BST1: variants seen among roughly 807,000 people sequenced by gnomAD.
The protein encoded by BST1 is bone marrow stromal cell antigen 1.
Under a neutral mutation model 40.6 loss-of-function variants are expected in BST1, and 49 were observed. That is an observed-to-expected ratio of 1.21 (90% CI 0.96 to 1.53). The LOEUF (loss-of-function observed/expected upper bound fraction) is 1.53, where lower values mean the gene tolerates loss of function less well. Among genes scored for constraint, BST1 ranks in the 40% most tolerant of loss-of-function variants. The pLI is 0.00. For synonymous variants in BST1, 157 were observed against 159.3 expected, an observed-to-expected ratio of 0.99 and a Z score of 0.11; for missense variants, 423 against 395.9, an observed-to-expected ratio of 1.07 and a Z score of -0.58.
Position 15,719,013 on chromosome 4 carries a change from A to G in BST1, c.791+20A>G, listed in dbSNP as rs1720662099. 2 of 1,606,384 alleles carry G rather than the reference A, an allele frequency of 1.2e-6. No individual in the cohort carries two copies. Among genetic ancestry groups the G allele is most frequent in the Non-Finnish European group, 1.7e-6 (2 of 1,174,404 alleles). ...TTACCGGTAGGTGGCCTATATATCA[A>G]TGTGCTCTTGTAGAGGTGGTGTATG... On this transcript the variant is annotated intron_variant, in intron 7 of 8. Transcript: ENST00000265016.
chr4:15,729,266 A>G (rs1002187615), intron 8 of BST1, among the ~76,000 whole-genome samples: 1 of 152,148 alleles, frequency 6.6e-6, no homozygotes. Context: ...AGCCTAGGCA[A>G]CATGGCGAGA....
chr4:15,715,902 G>A lies in BST1; in HGVS notation c.704+103G>A, dbSNP rs954384979. The A allele has an allele frequency of 6.0e-6, 5 of 836,350 alleles. No homozygotes were observed. In the South Asian group the frequency reaches 9.5e-5, roughly 16 times the overall value. The allele number at this position is 836,350 out of a possible 1,614,324, so 51.8% of individuals were successfully genotyped here. On this transcript the variant is annotated intron_variant, in intron 6 of 8. Transcript: ENST00000265016. The stretch of plus-strand genomic sequence containing the variant: ...CATTTTCAGTTTAGGGGAAATGACA[G>A]CCTTCTTTGCTTCTAATGGGGTTGG...
intron 4 of BST1, among the ~76,000 whole-genome samples, chr4:15,713,207 T>C (rs937300142): frequency 0.026 from 823 of 31,948 alleles, 12 homozygotes; most frequent in African/African-American, 0.08. Flanking sequence ...TATTTTCATC[T>C]TTTTTTTTTT....
At chr4:15,724,033 C>T (rs760153145) in intron 8 of BST1, among the ~76,000 whole-genome samples, 3 of 152,206 alleles carry the variant, frequency 2.0e-5, no homozygotes, top group African/African-American at 7.2e-5. Context: ...CTTATCCTGA[C>T]AATCCAACTC....
downstream of BST1, among the ~76,000 whole-genome samples, chr4:15,734,299 G>A (rs1721486108): frequency 6.6e-6 from 1 of 152,048 alleles, no homozygotes; most frequent in Admixed American, 6.6e-5. Flanking sequence ...CCAAGTGTTC[G>A]TCAACACTCA....
At chr4:15,737,711 C>T (rs1464822171), downstream of BST1, 2 of 1,068,888 alleles carry the variant, frequency 1.9e-6, no homozygotes, top group East Asian at 5.9e-5. Flanking sequence ...GTCGTAGGTA[C>T]CAGGTACCTT....
At chr4:15,738,518 AC>A (rs1343793310), downstream of BST1, among the ~76,000 whole-genome samples, 1 of 152,196 alleles carries the variant, frequency 6.6e-6, no homozygotes, top group Non-Finnish European at 1.5e-5. Context: ...GATCCTAAAA[AC>A]ATTCCTAAAT....
intron 3 of BST1, among the ~76,000 whole-genome samples, chr4:15,707,855 CTA>C (rs1553863514): frequency 5.4e-5 from 7 of 128,620 alleles, no homozygotes; most frequent in Middle Eastern, 3.6e-3. Context: ...CTCTCTCTCT[CTA>C]TATATATATA....
the BST1 span, among the ~76,000 whole-genome samples, chr4:15,746,337 C>T: frequency 6.6e-6 from 1 of 152,212 alleles, no homozygotes; most frequent in African/African-American, 2.4e-5. Flanking sequence ...ACACTTGTGT[C>T]TTAGTTTATT....
At chr4:15,747,231 A>G in the BST1 span, among the ~76,000 whole-genome samples, 1 of 152,182 alleles carries the variant, frequency 6.6e-6, no homozygotes. Context: ...AAGGTCAAGC[A>G]ATATCCTTAT....
intron 1 of BST1, 141 bp from the exon 2 acceptor site, chr4:15,705,374 A>C: frequency 1.0e-6 from 1 of 972,478 alleles, no homozygotes; most frequent in East Asian, 2.5e-5. Context: ...AAGCCATGAC[A>C]ATTCGTTGTC....
the BST1 span, among the ~76,000 whole-genome samples, chr4:15,748,365 A>G: frequency 6.6e-6 from 1 of 152,094 alleles, no homozygotes; most frequent in South Asian, 2.1e-4. Flanking sequence ...TTGCAATGCA[A>G]GGCTGTGCAC....
Position 15,732,262 on chromosome 4 carries a change from T to C in BST1, c.*417T>C. ...TGTATACTATATAAATGTATGCATA[T>C]ATGGTCTGCAAAGTTTTCATTTTTC... On this transcript the variant is annotated 3_prime_UTR_variant, in exon 9 of 9. Transcript: ENST00000265016. The C allele has an allele frequency of 3.0e-6, 1 of 331,476 alleles. No homozygotes were observed. Among genetic ancestry groups the C allele is most frequent in the Non-Finnish European group, 4.3e-6 (1 of 231,618 alleles). The allele number at this position is 331,476 out of a possible 1,614,324, so 20.5% of individuals were successfully genotyped here.
the BST1 span, among the ~76,000 whole-genome samples, chr4:15,752,825 CTT>C: frequency 2.6e-5 from 4 of 152,122 alleles, no homozygotes; most frequent in African/African-American, 9.6e-5. Context: ...ATTTCACTGG[CTT>C]TTTTTGGAAT....
chr4:15,718,851 C>T lies in BST1; in HGVS notation c.705-56C>T, dbSNP rs1034341306. The T allele has an allele frequency of 2.0e-5, 29 of 1,473,044 alleles. No homozygotes were observed. In the African/African-American group the frequency reaches 4.0e-4, roughly 20 times the overall value. 91.2% of individuals were successfully genotyped at this position (1,473,044 alleles called of 1,614,324 possible). Reference sequence around the variant, plus strand: ...GAAATTATGTTTAACCCAGAAACAACTTCCTCTTCCTCCTCTTATTTGCTT... The same window carrying T: ...GAAATTATGTTTAACCCAGAAACAATTTCCTCTTCCTCCTCTTATTTGCTT... On this transcript the variant is annotated intron_variant, in intron 6 of 8. Coordinates refer to ENST00000265016, the MANE Select transcript of BST1 (RefSeq NM_004334.3).
At chr4:15,767,379 C>T in the BST1 span, among the ~76,000 whole-genome samples, 7 of 151,906 alleles carry the variant, frequency 4.6e-5, no homozygotes, top group Non-Finnish European at 1.0e-4. Context: ...TCTCAGCTCA[C>T]TGCAAACTCC....
At chr4:15,765,488 C>T in the BST1 span, among the ~76,000 whole-genome samples, 1 of 151,962 alleles carries the variant, frequency 6.6e-6, no homozygotes, top group Admixed American at 6.5e-5. Context: ...GTGAGCCTGA[C>T]AAAACACGTC....
rs770337188 is a variant in BST1 at position 15,715,268 on chromosome 4, C to T, written c.535-17C>T. On this transcript the variant is annotated splice_polypyrimidine_tract_variant and intron_variant, in intron 4 of 8. Transcript: ENST00000265016. The stretch of plus-strand genomic sequence containing the variant: ...GTCACGTCTTTATTTGCTAAAAATA[C>T]TTGGTTCTTCTCGTAGTATTCCAAG... The T allele has an allele frequency of 1.1e-4, 172 of 1,611,738 alleles. No individual in the cohort carries two copies. The highest frequency in any genetic ancestry group is 1.4e-4 in the Non-Finnish European group (162 of 1,178,388).
At chr4:15,766,809 AGAC>A in the BST1 span, among the ~76,000 whole-genome samples, 1 of 148,496 alleles carries the variant, frequency 6.7e-6, no homozygotes, top group Non-Finnish European at 1.5e-5. Context: ...AAAAAAAAAA[AGAC>A]CTCCCTAAAA....
Sources: gnomAD v4.1 joint callset for allele counts (sites outside exome capture counted in the v4.1 genomes callset) on GRCh38, gnomAD v4.1.1 for gene constraint, MANE v1.5 for transcripts, NCBI Gene and HGNC (gene_info 2026-07-23, HGNC 2026-07-21) for gene names.